The following ZNF185 variants were observed in gnomAD, a reference collection of about 807,000 sequenced individuals.
ZNF185 encodes zinc finger protein 185.
Under a neutral mutation model 58.6 loss-of-function variants are expected in ZNF185, and 56 were observed. The observed-to-expected ratio is 0.95, with a 90% CI of 0.77 to 1.19. ZNF185 has a LOEUF of 1.19. Ranked by LOEUF, ZNF185 falls within the 50% of genes most tolerant of loss-of-function variation. The pLI, the probability that ZNF185 is intolerant of heterozygous loss-of-function variation, is 0.00. For missense variants in ZNF185, 627 were observed against 573.5 expected, an observed-to-expected ratio of 1.09 and a Z score of -0.95; for synonymous variants, 230 against 215.9, an observed-to-expected ratio of 1.07 and a Z score of -0.57.
chrX:152,914,118 G>A (rs782052657), upstream of ZNF185, among the ~76,000 whole-genome samples: 1 of 111,358 alleles, frequency 9.0e-6, no homozygotes, highest in South Asian at 3.8e-4. Flanking sequence ...CCCCCAGCCT[G>A]AGCCAGGCTG....
intron 9 of ZNF185, among the ~76,000 whole-genome samples, chrX:152,921,269 G>A: frequency 8.9e-6 from 1 of 111,789 alleles, no homozygotes; most frequent in Middle Eastern, 4.7e-3. Flanking sequence ...AATATTCGGG[G>A]GAAAGCAAGA....
intron 16 of ZNF185, among the ~76,000 whole-genome samples, chrX:152,955,959 T>A (rs2048786149): frequency 9.3e-6 from 1 of 107,988 alleles, no homozygotes; most frequent in East Asian, 2.9e-4. Flanking sequence ...GGTGAGAGTG[T>A]GACCAAAACT....
In ZNF185 at chrX:152,916,566, G is replaced by A. The variant is rs1184979368; in HGVS notation, c.225-565G>A. ...AACTTCCACCAAGACTTGGGGTGTG[G>A]GCATGCAAGGAGCTGGAGCAAAGAG... On this transcript the variant is annotated intron_variant, in intron 3 of 22. Transcript: ENST00000449285. 7.1e-5 allele frequency among the ~76,000 whole-genome samples: 8 copies of A among 112,049 alleles called. No individual in the cohort carries two copies. In the East Asian group the frequency reaches 2.3e-3, roughly 32 times the overall value.
chrX:152,934,422 A>G (rs2046026265), intron 14 of ZNF185, among the ~76,000 whole-genome samples: 1 of 112,450 alleles, frequency 8.9e-6, no homozygotes, highest in African/African-American at 3.2e-5. Context: ...TTTCCTTAAA[A>G]TGAAACCAAG....
the ZNF185 span, among the ~76,000 whole-genome samples, chrX:152,909,144 C>T: frequency 4.4e-5 from 5 of 112,611 alleles, no homozygotes; most frequent in Non-Finnish European, 7.5e-5. Flanking sequence ...TTCACATCCG[C>T]TAATGACTGC....
upstream of ZNF185, among the ~76,000 whole-genome samples, chrX:152,911,211 G>T (rs1556861274): frequency 8.9e-6 from 1 of 112,067 alleles, no homozygotes; most frequent in African/African-American, 3.3e-5. Context: ...GCTTAGCTCG[G>T]CGGAAGTTGG....
chrX:152,936,435 G>C lies in ZNF185; in HGVS notation c.1122-1639G>C, dbSNP rs1167119503. The C allele has an allele frequency of 6.0e-6, 7 of 1,165,262 alleles. No homozygotes were observed. The African/African-American group carries it at 7.2e-5, about 12-fold the overall frequency. On this transcript the variant is annotated intron_variant, in intron 14 of 22. Coordinates refer to ENST00000449285, the Ensembl canonical transcript of ZNF185. ...TTTCACAGGCTGTGTGCAGCTGCTA[G>C]CTTTGCCTCTTTCCTGGAAGACCAG...
chrX:152,926,015 AG>A (rs1940800351), intron 11 of ZNF185, among the ~76,000 whole-genome samples: 1 of 112,287 alleles, frequency 8.9e-6, no homozygotes, highest in Non-Finnish European at 1.9e-5. Flanking sequence ...CTCGGCCCCC[AG>A]GCCTGGCTGC....
chrX:152,923,140 T>C (rs781920056), intron 11 of ZNF185, among the ~76,000 whole-genome samples: 3 of 112,117 alleles, frequency 2.7e-5, no homozygotes, highest in Non-Finnish European at 5.6e-5. Context: ...TTTGCTCAAA[T>C]CTAGGTCTCC....
intron 14 of ZNF185, among the ~76,000 whole-genome samples, chrX:152,937,444 C>T (rs782104492): frequency 2.4e-4 from 27 of 111,236 alleles, no homozygotes; most frequent in South Asian, 1.1e-3. Flanking sequence ...TCCCTGGGCA[C>T]GGGCAAGCCA....
At chrX:152,928,416 C>T (rs931004885) in intron 11 of ZNF185, among the ~76,000 whole-genome samples, 159 bp from the exon 13 acceptor site, 5 of 112,280 alleles carry the variant, frequency 4.5e-5, no homozygotes, top group Non-Finnish European at 7.5e-5. Context: ...GTCAGTGGCC[C>T]GAGCTCAGCT....
At chrX:152,904,734 G>A in the ZNF185 span, among the ~76,000 whole-genome samples, 1 of 111,747 alleles carries the variant, frequency 8.9e-6, no homozygotes, top group Non-Finnish European at 1.9e-5. Flanking sequence ...AGCCTCCAGG[G>A]GGAGTCTGTG....
chrX:152,931,823 C>T (rs2125501186), intron 13 of ZNF185, 47 bp downstream of exon 14: 2 of 1,062,505 alleles, frequency 1.9e-6, no homozygotes, highest in East Asian at 6.4e-5. Context: ...AACACGGAGC[C>T]CACATACACC....
chrX:152,924,979 G>A (rs1479072274), intron 11 of ZNF185, among the ~76,000 whole-genome samples: 2 of 111,891 alleles, frequency 1.8e-5, no homozygotes, highest in Non-Finnish European at 3.8e-5. Flanking sequence ...ACCGCGCTTG[G>A]CCTCAGGTGC....
At chrX:152,902,569 C>T in the ZNF185 span, among the ~76,000 whole-genome samples, 1 of 113,128 alleles carries the variant, frequency 8.8e-6, no homozygotes. Context: ...CGATCCCTTA[C>T]TCATGCTTTC....
Position 152,965,463 on chromosome X carries a change from G to A in ZNF185, c.1735G>A (p.Val579Met), listed in dbSNP as rs782362814. The stretch of plus-strand genomic sequence containing the variant: ...CTTCTACAGCAAAGGGATTCTCTTC[G>A]TGAAGGAGTACGTGAATGCTAGTGA... The change falls in exon 19 of 23, where the codon GTG (valine) becomes ATG (methionine). Residue 579 changes from valine (V) to methionine (M), a missense_variant. Val to Met is a conservative substitution (Grantham distance 21, BLOSUM62 1). Coordinates refer to ENST00000449285, the Ensembl canonical transcript of ZNF185. The A allele has an allele frequency of 1.8e-5, 21 of 1,183,077 alleles. No homozygotes were observed. Among genetic ancestry groups the A allele is most frequent in the Middle Eastern group, 2.3e-4 (1 of 4,345 alleles).
the ZNF185 span, among the ~76,000 whole-genome samples, chrX:152,903,116 C>T: frequency 9.1e-6 from 1 of 110,262 alleles, no homozygotes; most frequent in African/African-American, 3.3e-5. Context: ...TGGCCGAGTG[C>T]GGTGGCTCAC....
intron 21 of ZNF185, among the ~76,000 whole-genome samples, chrX:152,969,718 G>A (rs1332063961): frequency 1.8e-5 from 2 of 112,477 alleles, no homozygotes; most frequent in African/African-American, 6.5e-5. Flanking sequence ...GTACTGTAGG[G>A]AAGACAAAAG....
chrX:152,967,913 C>A (rs928532127), intron 20 of ZNF185, among the ~76,000 whole-genome samples: 3 of 112,119 alleles, frequency 2.7e-5, no homozygotes, highest in African/African-American at 9.7e-5. Flanking sequence ...GCAAATACGG[C>A]AGACCCAGGA....
Sources: gnomAD v4.1 joint callset for allele counts (sites outside exome capture counted in the v4.1 genomes callset) on GRCh38, gnomAD v4.1.1 for gene constraint, MANE v1.5 for transcripts, NCBI Gene and HGNC (gene_info 2026-07-23, HGNC 2026-07-21) for gene names.